The following RAB27B variants were observed in gnomAD, a reference collection of about 807,000 sequenced individuals.
RAB27B encodes the protein ras-related protein Rab-27B.
A neutral mutation model predicts 24.6 loss-of-function variants in RAB27B; 15 were observed. The ratio of observed to expected loss-of-function variants is 0.61; its 90% CI spans 0.41 to 0.94. The LOEUF (loss-of-function observed/expected upper bound fraction) is 0.94, where lower values mean the gene tolerates loss of function less well. Ranked by LOEUF, RAB27B falls within the 40% of genes least tolerant of loss-of-function variation. The pLI is 0.00. For missense variants in RAB27B, 261 were observed against 266.8 expected, an observed-to-expected ratio of 0.98 and a Z score of 0.15; for synonymous variants, 105 against 92.5, an observed-to-expected ratio of 1.14 and a Z score of -0.78.
chr18:54,788,694 A>C (rs1346330534), intron 2 of RAB27B, among the ~76,000 whole-genome samples: 3 of 152,248 alleles, frequency 2.0e-5, no homozygotes, highest in Non-Finnish European at 2.9e-5. Context: ...CTTTAAAGTA[A>C]TATTAGAAAA....
chr18:54,853,600 C>T (rs1216945809), intron 1 of RAB27B, among the ~76,000 whole-genome samples: 1 of 152,178 alleles, frequency 6.6e-6, no homozygotes, highest in South Asian at 2.1e-4. Flanking sequence ...AGGTTAACTA[C>T]TTAGTGTTTT....
intron 2 of RAB27B, among the ~76,000 whole-genome samples, chr18:54,769,967 A>G (rs1046332312): frequency 6.6e-6 from 1 of 152,132 alleles, no homozygotes; most frequent in African/African-American, 2.4e-5. Context: ...TCTTGGGTTC[A>G]AGTGATTCTC....
intron 1 of RAB27B, among the ~76,000 whole-genome samples, chr18:54,829,440 A>G (rs886896444): frequency 6.6e-6 from 1 of 152,216 alleles, no homozygotes; most frequent in Non-Finnish European, 1.5e-5. Context: ...TGAGTTTTTT[A>G]TGTCAAGATG....
Position 54,889,498 on chromosome 18 carries a change from AAAC to A in RAB27B, c.*86_*88del. ...ACAAACCACACAATTGTTGTTGAGT[AAAC>A]CACGCACAATGGCATGTCTTTCTTT... On this transcript the variant is annotated 3_prime_UTR_variant, in exon 6 of 6. Coordinates refer to ENST00000262094, the MANE Select transcript of RAB27B (RefSeq NM_004163.4). 8.1e-7 allele frequency: 1 copy of A among 1,234,856 alleles called. No homozygotes were observed. Among genetic ancestry groups the A allele is most frequent in the Non-Finnish European group, 1.1e-6 (1 of 901,318 alleles). The allele number at this position is 1,234,856 out of a possible 1,614,324, so 76.5% of individuals were successfully genotyped here.
intron 2 of RAB27B, among the ~76,000 whole-genome samples, chr18:54,748,626 A>G (rs886398226): frequency 6.6e-6 from 1 of 152,162 alleles, no homozygotes; most frequent in African/African-American, 2.4e-5. Flanking sequence ...TGAGGCACAA[A>G]TTTGCATGTT....
At chr18:54,718,060 T>C in intron 1 of RAB27B, 1 of 152,202 alleles carries the variant, frequency 6.6e-6, no homozygotes, top group South Asian at 2.1e-4. Context: ...TATGTTAATT[T>C]CCACAGCTGA....
chr18:54,830,168 G>A (rs932383274), intron 1 of RAB27B, among the ~76,000 whole-genome samples: 8 of 152,154 alleles, frequency 5.3e-5, no homozygotes, highest in African/African-American at 1.7e-4. Flanking sequence ...CAATAGGGAA[G>A]GTAACCCTAA....
intron 2 of RAB27B, among the ~76,000 whole-genome samples, chr18:54,733,655 C>CT (rs1909797008): frequency 1.5e-5 from 2 of 131,228 alleles, no homozygotes; most frequent in South Asian, 2.9e-4. Context: ...CTAGAGCCCC[C>CT]CCCCCCCAAA....
chr18:54,862,570 C>G (rs1897475648), intron 1 of RAB27B, among the ~76,000 whole-genome samples: 1 of 152,326 alleles, frequency 6.6e-6, no homozygotes, highest in Admixed American at 6.5e-5. Flanking sequence ...GACCTGGCTG[C>G]TCTTCTGCTG....
At chr18:54,776,187 A>AT (rs1307863826) in intron 2 of RAB27B, among the ~76,000 whole-genome samples, 1 of 152,242 alleles carries the variant, frequency 6.6e-6, no homozygotes, top group Non-Finnish European at 1.5e-5. Context: ...TTTGCCCATA[A>AT]TCCTGGAAAT....
At chr18:54,868,945 A>C (rs543388265) in intron 1 of RAB27B, among the ~76,000 whole-genome samples, 1 of 152,340 alleles carries the variant, frequency 6.6e-6, no homozygotes, top group South Asian at 2.1e-4. Context: ...GCCCTTACAA[A>C]GGCTTATCTG....
chr18:54,873,365 TA>T (rs904371984), intron 1 of RAB27B, among the ~76,000 whole-genome samples: 3 of 152,240 alleles, frequency 2.0e-5, no homozygotes, highest in Non-Finnish European at 2.9e-5. Context: ...CAGCTTGTGA[TA>T]CCACGATAAA....
At chr18:54,886,733 T>C (rs1373962513) in intron 4 of RAB27B, among the ~76,000 whole-genome samples, 1 of 152,116 alleles carries the variant, frequency 6.6e-6, no homozygotes, top group African/African-American at 2.4e-5. Flanking sequence ...CCCTTGTTTT[T>C]AAACGTCTCC....
rs1912763361 is a variant in RAB27B, at chr18:54,877,738, G to A, written c.153G>A (p.Val51=). 3.8e-6 allele frequency: 6 copies of A among 1,576,862 alleles called. No individual in the cohort carries two copies. Among genetic ancestry groups the A allele is most frequent in the Non-Finnish European group, 5.1e-6 (6 of 1,168,108 alleles). Residue 51 remains valine (V), a splice_region_variant and synonymous_variant, in exon 2 of 6, where the codon GTG becomes GTA. Coordinates refer to ENST00000262094, the MANE Select transcript of RAB27B (RefSeq NM_004163.4). ...TVGIDFREKR[V]VYNAQGPNGS... is the part of the protein sequence containing the mutation. ...GAATAGACTTTCGGGAAAAACGTGT[G>A]GTGAGTTTTTAATCGTACTTCTAAC...
At chr18:54,888,219 G>T in intron 5 of RAB27B, 101 bp downstream of exon 5, 2 of 1,340,686 alleles carry the variant, frequency 1.5e-6, no homozygotes, top group Non-Finnish European at 2.0e-6. Context: ...CCTTAACCAA[G>T]AACAGCATGT....
upstream of RAB27B, chr18:54,828,073 A>T (rs982348697): frequency 2.4e-4 from 37 of 152,168 alleles, no homozygotes; most frequent in Non-Finnish European, 2.9e-5. Flanking sequence ...ATTTCTTTCC[A>T]ACGCCCTCTT....
chr18:54,755,038 A>T (rs73959283), intron 2 of RAB27B, among the ~76,000 whole-genome samples: 9,703 of 152,270 alleles, frequency 0.064, 396 homozygotes, highest in African/African-American at 0.091. Flanking sequence ...ACATTTTCAG[A>T]ACACAGCATA....
At chr18:54,876,098 G>A (rs4638672) in intron 1 of RAB27B, among the ~76,000 whole-genome samples, 137,296 of 151,952 alleles carry the variant, frequency 0.9, 63,658 homozygotes, top group East Asian at 1. Flanking sequence ...GAAGGTGAAG[G>A]GAAAGCTAGG....
chr18:54,802,056 T>A (rs1347235545), intron 2 of RAB27B, among the ~76,000 whole-genome samples: 1 of 152,212 alleles, frequency 6.6e-6, no homozygotes. Flanking sequence ...TACTTGACTA[T>A]GGGATTATCT....
Sources: allele counts gnomAD v4.1 joint callset (sites outside exome capture counted in the v4.1 genomes callset), GRCh38; gene constraint gnomAD v4.1.1; transcripts MANE v1.5; gene names NCBI Gene and HGNC (gene_info 2026-07-23, HGNC 2026-07-21).